The following DIAPH2 variants were observed in gnomAD, a reference collection of about 807,000 sequenced individuals.
The protein encoded by DIAPH2 is protein diaphanous homolog 2.
Under a neutral mutation model 92.7 loss-of-function variants are expected in DIAPH2, and 35 were observed. The ratio of observed to expected loss-of-function variants is 0.38; its 90% CI spans 0.29 to 0.50. DIAPH2 has a LOEUF of 0.50. DIAPH2 is among the 20% of genes least tolerant of loss of function. DIAPH2 has a pLI of 0.94. For missense variants in DIAPH2, 701 were observed against 819.5 expected (o/e 0.86, Z 1.77); for synonymous variants, 301 against 280.4 (o/e 1.07, Z -0.73).
At chrX:97,223,444 T>G (rs1254132608) in intron 22 of DIAPH2, among the ~76,000 whole-genome samples, 1 of 111,412 alleles carries the variant, frequency 9.0e-6, no homozygotes, top group East Asian at 2.8e-4. Context: ...CACCAGTTTT[T>G]GGGTAGAAAA....
intron 26 of DIAPH2, among the ~76,000 whole-genome samples, chrX:97,536,926 A>G (rs1270991212): frequency 8.9e-6 from 1 of 112,107 alleles, no homozygotes; most frequent in Admixed American, 9.5e-5. Flanking sequence ...AGCTGAATAA[A>G]CCATAATCTC....
chrX:96,758,332 A>C, intron 4 of DIAPH2, 74 bp downstream of exon 4: 1 of 876,331 alleles, frequency 1.1e-6, no homozygotes, highest in Non-Finnish European at 1.6e-6. Flanking sequence ...AAAATAAACA[A>C]ACCTCAGCTC....
At chrX:96,693,926 T>G (rs756765275) in intron 1 of DIAPH2, among the ~76,000 whole-genome samples, 10 of 111,743 alleles carry the variant, frequency 8.9e-5, no homozygotes, top group Non-Finnish European at 1.7e-4. Context: ...TCCCAGCTAC[T>G]CGGGAGGCTG....
intron 23 of DIAPH2, among the ~76,000 whole-genome samples, chrX:97,286,001 A>G (rs185021088): frequency 9.3e-6 from 1 of 107,433 alleles, no homozygotes; most frequent in East Asian, 2.9e-4. Context: ...TTAGGTCTCT[A>G]AAGTTTCTGT....
chrX:97,354,594 A>G (rs7882933), intron 24 of DIAPH2, among the ~76,000 whole-genome samples: 1,554 of 111,511 alleles, frequency 0.014, 23 homozygotes, highest in African/African-American at 0.049. Flanking sequence ...GGCTGGTCTC[A>G]AACTCCTGAC....
chrX:96,725,211 T>C (rs1301478789), intron 1 of DIAPH2, among the ~76,000 whole-genome samples: 1 of 112,071 alleles, frequency 8.9e-6, no homozygotes, highest in African/African-American at 3.2e-5. Context: ...CTACAATGTG[T>C]TATTTATTAT....
chrX:96,974,769 C>A (rs2147834718), intron 17 of DIAPH2, among the ~76,000 whole-genome samples: 1 of 110,711 alleles, frequency 9.0e-6, no homozygotes, highest in African/African-American at 3.3e-5. Flanking sequence ...GTGTCACTCT[C>A]CTTTAAAAAC....
At chrX:96,962,338 CATAT>C (rs59386635) in intron 16 of DIAPH2, among the ~76,000 whole-genome samples, 2 of 33,472 alleles carry the variant, frequency 6.0e-5, no homozygotes, top group African/African-American at 9.3e-5. Context: ...TATATATATA[CATAT>C]ATATATATAC....
At chrX:97,063,033 C>CA (rs56405925) in intron 17 of DIAPH2, among the ~76,000 whole-genome samples, 1,736 of 57,293 alleles carry the variant, frequency 0.03, 46 homozygotes, top group East Asian at 0.091. Flanking sequence ...AACTCTGTCT[C>CA]AAAAAAAAAA....
At chrX:96,962,340 TATATATATATACAC>T (rs2065859294) in intron 16 of DIAPH2, among the ~76,000 whole-genome samples, 1 of 39,561 alleles carries the variant, frequency 2.5e-5, no homozygotes, top group Admixed American at 2.9e-4. Flanking sequence ...TATATATACA[TATATATATATACAC>T]ATATATATAT....
At chrX:97,460,238 C>G (rs930896107) in intron 26 of DIAPH2, among the ~76,000 whole-genome samples, 3 of 111,975 alleles carry the variant, frequency 2.7e-5, no homozygotes, top group Non-Finnish European at 5.6e-5. Flanking sequence ...CGAGGCTCCA[C>G]CTTAGTGGGC....
At chrX:97,238,671 A>G (rs979910603) in intron 22 of DIAPH2, among the ~76,000 whole-genome samples, 1 of 110,305 alleles carries the variant, frequency 9.1e-6, no homozygotes, top group Non-Finnish European at 1.9e-5. Flanking sequence ...TTTTCTTTAA[A>G]GGCCAAAGAA....
chrX:97,057,100 G>A (rs938985714), intron 17 of DIAPH2, among the ~76,000 whole-genome samples: 5 of 111,984 alleles, frequency 4.5e-5, no homozygotes, highest in East Asian at 2.8e-4. Context: ...GAAATTAGAC[G>A]TTTGCTTTGC....
chrX:97,477,171 A>G (rs1370255288), intron 26 of DIAPH2, among the ~76,000 whole-genome samples: 2 of 103,668 alleles, frequency 1.9e-5, no homozygotes, highest in Non-Finnish European at 3.9e-5. Context: ...CTCTACTAAT[A>G]ATACAAAAAT....
intron 25 of DIAPH2, among the ~76,000 whole-genome samples, chrX:97,387,006 G>T (rs1421935568): frequency 1.8e-5 from 2 of 111,070 alleles, no homozygotes; most frequent in Non-Finnish European, 3.8e-5. Context: ...ACTGGAAAAT[G>T]ATGTACATAG....
intron 25 of DIAPH2, among the ~76,000 whole-genome samples, chrX:97,425,450 T>A (rs1050642205): frequency 9.0e-6 from 1 of 111,385 alleles, no homozygotes; most frequent in Non-Finnish European, 1.9e-5. Context: ...TTAAACAGCT[T>A]GATTTAGTCA....
At chrX:96,973,122 T>C (rs982268302) in intron 17 of DIAPH2, among the ~76,000 whole-genome samples, 1 of 112,069 alleles carries the variant, frequency 8.9e-6, no homozygotes, top group African/African-American at 3.2e-5. Context: ...GTTTAAAATA[T>C]ACAGTTGGCG....
chrX:96,743,619 C>G (rs2064132433), intron 3 of DIAPH2, among the ~76,000 whole-genome samples: 1 of 111,412 alleles, frequency 9.0e-6, no homozygotes, highest in Non-Finnish European at 1.9e-5. Context: ...GATCTCATTC[C>G]TATGTGAAAT....
chrX:96,855,441 CATTT>C (rs1477919469), intron 4 of DIAPH2, among the ~76,000 whole-genome samples: 4 of 110,282 alleles, frequency 3.6e-5, no homozygotes, highest in Non-Finnish European at 7.6e-5. Context: ...GTTGCATATT[CATTT>C]ATTTATTCAT....
Sources: allele counts gnomAD v4.1 joint callset (sites outside exome capture counted in the v4.1 genomes callset), GRCh38; gene constraint gnomAD v4.1.1; transcripts MANE v1.5; gene names NCBI Gene and HGNC (gene_info 2026-07-23, HGNC 2026-07-21).